The following EYS variants were observed in gnomAD, a reference collection of about 807,000 sequenced individuals.
EYS encodes the protein EGF-like photoreceptor maintenance factor.
Under a neutral mutation model 282.1 loss-of-function variants are expected in EYS, and 250 were observed. The observed-to-expected ratio is 0.89, with a 90% CI of 0.80 to 0.98. EYS has a LOEUF of 0.98. EYS is among the 50% of genes least tolerant of loss of function. The probability of loss-of-function intolerance (pLI) is 0.00; values close to 1 mark genes in which losing one functional copy is unlikely to be tolerated. For missense variants in EYS, 4,016 were observed against 3,709.0 expected (o/e 1.08, Z -2.15); for synonymous variants, 1,355 against 1,282.9 (o/e 1.06, Z -1.20).
At chr6:64,443,497 G>A (rs575374480) in intron 26 of EYS, among the ~76,000 whole-genome samples, 1 of 152,194 alleles carries the variant, frequency 6.6e-6, no homozygotes, top group South Asian at 2.1e-4. Flanking sequence ...TTTGGGAAGG[G>A]CCAGGTGTGA....
At chr6:64,457,165 G>A (rs1775582665) in intron 26 of EYS, among the ~76,000 whole-genome samples, 1 of 151,790 alleles carries the variant, frequency 6.6e-6, no homozygotes, top group Non-Finnish European at 1.5e-5. Flanking sequence ...GTATGTATTT[G>A]TTAATTTTCC....
intron 35 of EYS, among the ~76,000 whole-genome samples, chr6:63,880,902 T>C (rs1444136875): frequency 6.6e-6 from 1 of 152,218 alleles, no homozygotes; most frequent in East Asian, 1.9e-4. Context: ...CCATGTACAA[T>C]GGCCATTTCT....
intron 2 of EYS, among the ~76,000 whole-genome samples, chr6:65,545,033 T>C (rs1170969240): frequency 6.6e-6 from 1 of 152,150 alleles, no homozygotes; most frequent in Non-Finnish European, 1.5e-5. Context: ...GTGAATCTAA[T>C]TTTGCTTTAA....
chr6:64,569,967 A>G (rs1306759076), intron 26 of EYS, among the ~76,000 whole-genome samples: 6 of 152,184 alleles, frequency 3.9e-5, no homozygotes, highest in Non-Finnish European at 2.9e-5. Flanking sequence ...CCTTGAGAAG[A>G]GTAACCCCAA....
At chr6:64,393,194 C>T (rs940607846) in intron 28 of EYS, among the ~76,000 whole-genome samples, 4 of 152,092 alleles carry the variant, frequency 2.6e-5, no homozygotes, top group Non-Finnish European at 1.5e-5. Flanking sequence ...CCGAATTCTA[C>T]CATAGGTACA....
At chr6:64,850,698 T>C (rs1313224525) in intron 19 of EYS, among the ~76,000 whole-genome samples, 1 of 152,076 alleles carries the variant, frequency 6.6e-6, no homozygotes, top group Non-Finnish European at 1.5e-5. Flanking sequence ...TTAAAAGTTT[T>C]TTAAGCATGA....
chr6:64,415,127 C>T (rs1774021372), intron 28 of EYS, among the ~76,000 whole-genome samples: 1 of 152,176 alleles, frequency 6.6e-6, no homozygotes, highest in East Asian at 1.9e-4. Flanking sequence ...ACCACACTGG[C>T]GAAGAAAAAA....
chr6:64,091,789 T>C (rs1427328117), intron 31 of EYS, among the ~76,000 whole-genome samples: 3 of 152,198 alleles, frequency 2.0e-5, no homozygotes, highest in Non-Finnish European at 2.9e-5. Context: ...TTAGGGTACA[T>C]GTGCAAAACG....
At position 64,626,171 on chromosome 6, in the gene EYS, C is replaced by T. The variant is rs1218869591; in HGVS notation, c.3518G>A (p.Gly1173Asp). ...NECSSSPCLH[G>D]ADCEDHINGY... ...ATTGATGTGATCTTCACAGTCTGCA[C>T]CATGTAGACATGGTGATGAAGAGCA... The change falls in exon 23 of 43, where the codon GGT becomes GAT. Residue 1173 changes from glycine to aspartate, a missense_variant. Physicochemically the swap from Gly to Asp is moderately conservative, Grantham distance 94. Transcript: ENST00000503581. 1 of 1,545,834 alleles carries T rather than the reference C, an allele frequency of 6.5e-7. No homozygotes were observed. The highest frequency in any genetic ancestry group is 8.7e-7 in the Non-Finnish European group (1 of 1,145,490).
chr6:65,196,363 T>C (rs1246439091), intron 12 of EYS, among the ~76,000 whole-genome samples: 2 of 152,100 alleles, frequency 1.3e-5, no homozygotes, highest in African/African-American at 4.8e-5. Flanking sequence ...ATATTATTTA[T>C]AGTATCATAT....
intron 31 of EYS, among the ~76,000 whole-genome samples, chr6:64,172,033 C>T (rs549593030): frequency 1.3e-5 from 2 of 152,198 alleles, no homozygotes; most frequent in East Asian, 3.9e-4. Flanking sequence ...AGGATATATA[C>T]TTGAATGAAA....
chr6:64,092,524 G>C (rs1267614964), intron 31 of EYS, among the ~76,000 whole-genome samples: 2 of 152,086 alleles, frequency 1.3e-5, no homozygotes, highest in Admixed American at 6.5e-5. Context: ...ATTTTTTCAT[G>C]TGTCTTTTGG....
chr6:65,404,621 A>G (rs756798564), intron 6 of EYS, among the ~76,000 whole-genome samples: 3 of 152,066 alleles, frequency 2.0e-5, no homozygotes, highest in Middle Eastern at 3.4e-3. Context: ...ATAAACTTTT[A>G]TCTGTATATT....
At chr6:63,998,696 C>CT (rs746207746) in intron 34 of EYS, among the ~76,000 whole-genome samples, 6 of 151,834 alleles carry the variant, frequency 4.0e-5, no homozygotes, top group Non-Finnish European at 8.8e-5. Context: ...TGGGAACGGC[C>CT]TTTTTTAACA....
chr6:64,282,899 C>G (rs145730233), intron 30 of EYS, among the ~76,000 whole-genome samples: 1 of 152,126 alleles, frequency 6.6e-6, no homozygotes, highest in Non-Finnish European at 1.5e-5. Context: ...TCAGTTCTGT[C>G]TCTTATAGTT....
intron 13 of EYS, among the ~76,000 whole-genome samples, chr6:65,008,332 A>C (rs1193384734): frequency 6.6e-6 from 1 of 152,116 alleles, no homozygotes; most frequent in Non-Finnish European, 1.5e-5. Context: ...AATCAGCTGC[A>C]GACATTAGAA....
At chr6:64,005,962 G>A (rs575276229) in intron 33 of EYS, among the ~76,000 whole-genome samples, 4 of 152,122 alleles carry the variant, frequency 2.6e-5, no homozygotes, top group Non-Finnish European at 4.4e-5. Context: ...GCTCTTTATC[G>A]GTTCCATATG....
chr6:63,806,855 G>A (rs1770921138), intron 36 of EYS: 1 of 152,264 alleles, frequency 6.6e-6, no homozygotes, highest in Non-Finnish European at 1.5e-5. Flanking sequence ...CAAGAAATAG[G>A]AAGGAAATCG....
intron 26 of EYS, among the ~76,000 whole-genome samples, chr6:64,505,578 T>G (rs980699110): frequency 1.3e-5 from 2 of 152,156 alleles, no homozygotes; most frequent in South Asian, 2.1e-4. Flanking sequence ...AATGGCAAAA[T>G]GCATTCTCCT....
Sources: allele counts gnomAD v4.1 joint callset (sites outside exome capture counted in the v4.1 genomes callset), GRCh38; gene constraint gnomAD v4.1.1; transcripts MANE v1.5; gene names NCBI Gene and HGNC (gene_info 2026-07-23, HGNC 2026-07-21).